The following CD84 variants were observed in gnomAD, a reference collection of about 807,000 sequenced individuals.
The protein encoded by CD84 is SLAM family member 5.
A neutral mutation model predicts 33.8 loss-of-function variants in CD84; 22 were observed. The observed-to-expected ratio is 0.65, with a 90% CI of 0.46 to 0.93. CD84 has a LOEUF of 0.93. CD84 is among the 40% of genes least tolerant of loss of function. CD84 has a pLI of 0.00. For missense variants in CD84, 400 were observed against 397.6 expected, an observed-to-expected ratio of 1.01 and a Z score of -0.05; for synonymous variants, 154 against 145.2, an observed-to-expected ratio of 1.06 and a Z score of -0.44.
rs541090525 is a variant in CD84 at position 160,563,128 on chromosome 1, T to C, written c.388+2276A>G. Among the ~76,000 whole-genome samples the C allele has an allele frequency of 3.3e-5, 5 of 152,278 alleles. No homozygotes were observed. The South Asian group carries it at 8.3e-4, about 25-fold the overall frequency. On this transcript the variant is annotated intron_variant, in intron 2 of 6. Transcript: ENST00000368054. ...AAGATTGCAGGGAAAAAGAAATGCT[T>C]TTACAATGTTGGTGGGAGTGTAAAT...
At chr1:160,568,844 C>T (rs1657497145) in intron 1 of CD84, among the ~76,000 whole-genome samples, 1 of 152,164 alleles carries the variant, frequency 6.6e-6, no homozygotes, top group Non-Finnish European at 1.5e-5. Context: ...TGATCTTGAA[C>T]TCCTGACCTC....
intron 2 of CD84, among the ~76,000 whole-genome samples, chr1:160,564,703 G>A (rs1413156085): frequency 6.6e-6 from 1 of 152,208 alleles, no homozygotes; most frequent in African/African-American, 2.4e-5. Flanking sequence ...TAACATGTGT[G>A]AAATGACATA....
intron 4 of CD84, chr1:160,551,474 A>G (rs573274489): frequency 1.6e-4 from 29 of 186,174 alleles, no homozygotes; most frequent in Non-Finnish European, 2.7e-4. Flanking sequence ...TGCTGTAACC[A>G]TCTCAATGTT....
At chr1:160,579,280 C>T in intron 1 of CD84, 112 bp downstream of exon 1, 4 of 1,457,572 alleles carry the variant, frequency 2.7e-6, no homozygotes, top group Non-Finnish European at 3.8e-6. Flanking sequence ...ATACTGAGAC[C>T]CAGGGTGTTC....
chr1:160,552,707 G>T, intron 4 of CD84: 1 of 1,546,494 alleles, frequency 6.5e-7, no homozygotes. Context: ...GAACTTACAA[G>T]GGTTCTTAGT....
Position 160,543,656 on chromosome 1 carries a change from T to A in CD84, c.*4600A>T, listed in dbSNP as rs1419792565. On this transcript the variant is annotated 3_prime_UTR_variant, in exon 7 of 7. Transcript: ENST00000368054. ...TTAGGTATATCCCCTGTTCTCTCAG[T>A]CTAACTGGGGAGGCAGATATAGCAT... 2 of 148,478 alleles carry A rather than the reference T, an allele frequency of 1.3e-5. No individual in the cohort carries two copies. Among genetic ancestry groups the A allele is most frequent in the East Asian group, 3.9e-4 (2 of 5,124 alleles). 9.2% of individuals were successfully genotyped at this position (148,478 alleles called of 1,614,324 possible). A position where few individuals can be genotyped will look rare whatever the true frequency, so the allele number is the denominator to read the frequency against.
At chr1:160,567,527 C>T (rs749158436) in intron 1 of CD84, among the ~76,000 whole-genome samples, 5 of 152,152 alleles carry the variant, frequency 3.3e-5, no homozygotes, top group Admixed American at 6.5e-5. Context: ...TATCTGCAAA[C>T]ATTTATTAAC....
chr1:160,543,141 A>C lies in CD84; in HGVS notation c.*5115T>G, dbSNP rs1655629330. On this transcript the variant is annotated 3_prime_UTR_variant, in exon 7 of 7. Coordinates refer to ENST00000368054, the MANE Select transcript of CD84 (RefSeq NM_003874.4). ...ATGGGCATTTTCAGCAGGAAAGTTG[A>C]GTGGTTATCCAGATAGCAATGGAAT... 1 of 152,206 alleles carries C rather than the reference A, an allele frequency of 6.6e-6. No homozygotes were observed. Among genetic ancestry groups the C allele is most frequent in the African/African-American group, 2.4e-5 (1 of 41,436 alleles). The allele number at this position is 152,206 out of a possible 1,614,324, so 9.4% of individuals were successfully genotyped here.
chr1:160,549,920 A>G lies in CD84; in HGVS notation c.918T>C (p.Asp306=). The change falls in exon 6 of 7, where the codon GAT becomes GAC. Residue 306 remains aspartate, a synonymous_variant. Coordinates refer to ENST00000368054, the MANE Select transcript of CD84 (RefSeq NM_003874.4). Reference sequence around the variant, plus strand: ...TAAAAAGCCAGAAAGGGGTTACCTTATCAGCAAACTGCACTTCGGAATAAA... The same window carrying G: ...TAAAAAGCCAGAAAGGGGTTACCTTGTCAGCAAACTGCACTTCGGAATAAA... ...NTVYSEVQFA[D]KMGKASTQDS... 6.2e-7 allele frequency: 1 copy of G among 1,610,952 alleles called. No individual in the cohort carries two copies.
intron 1 of CD84, among the ~76,000 whole-genome samples, chr1:160,567,492 T>G (rs1246366524): frequency 1.3e-5 from 2 of 151,440 alleles, no homozygotes; most frequent in Non-Finnish European, 2.9e-5. Context: ...GGAGTGGGAG[T>G]AGGAAGGGGG....
At chr1:160,552,387 G>A (rs891701040) in intron 4 of CD84, among the ~76,000 whole-genome samples, 1 of 152,096 alleles carries the variant, frequency 6.6e-6, no homozygotes, top group Non-Finnish European at 1.5e-5. Flanking sequence ...CATGCCCCAG[G>A]CCAATCAGTT....
At position 160,553,918 on chromosome 1, in the gene CD84, A is replaced by T. The variant is rs767026677; in HGVS notation, c.617T>A (p.Ile206Asn). 6.2e-7 allele frequency: 1 copy of T among 1,614,206 alleles called. No individual in the cohort carries two copies. Among genetic ancestry groups the T allele is most frequent in the African/African-American group, 1.3e-5 (1 of 75,062 alleles). The change falls in exon 3 of 7, where the codon ATC becomes AAC. Residue 206 changes from isoleucine to asparagine, a missense_variant. By Grantham distance (149) the Ile-to-Asn change is moderately radical. Transcript: ENST00000368054. ...QNPVSNNSDSISARQLCADIA... is the reference protein window; with the variant it reads ...QNPVSNNSDSNSARQLCADIA... ...ACCTGCACAGAGCTGCCGGGCAGAG[A>T]TGGAGTCAGAATTGTTGCTGACAGG...
At position 160,553,478 on chromosome 1, in the gene CD84, A is replaced by G. The variant is rs1656382592; in HGVS notation, c.660T>C (p.Arg220=). 6.2e-7 allele frequency: 1 copy of G among 1,614,036 alleles called. No homozygotes were observed. The highest frequency in any genetic ancestry group is 8.5e-7 in the Non-Finnish European group (1 of 1,180,024). Residue 220 remains arginine (R), a synonymous_variant, in exon 4 of 7, where the codon CGT becomes CGC. Coordinates refer to ENST00000368054, the MANE Select transcript of CD84 (RefSeq NM_003874.4). ...QLCADIAMGF[R]THHTGLLSVL... is the part of the protein sequence containing the mutation. Reference sequence around the variant, plus strand: ...CGCTCAGCAACCCGGTGTGGTGAGTACGGAAGCCCATTGCGATGTCTGGAA... The same window carrying G: ...CGCTCAGCAACCCGGTGTGGTGAGTGCGGAAGCCCATTGCGATGTCTGGAA...
At chr1:160,552,568 G>A in intron 4 of CD84, 1 of 619,844 alleles carries the variant, frequency 1.6e-6, no homozygotes, top group East Asian at 2.8e-5. Context: ...TAAAAAAACT[G>A]GTAGCTGATA....
intron 2 of CD84, among the ~76,000 whole-genome samples, chr1:160,563,760 A>G (rs142783175): frequency 2.0e-5 from 3 of 152,310 alleles, no homozygotes; most frequent in African/African-American, 7.2e-5. Flanking sequence ...CATTGAAGAA[A>G]AAAAAGAAAA....
intron 6 of CD84, among the ~76,000 whole-genome samples, chr1:160,548,904 CTAAGT>C (rs1449897564): frequency 4.6e-5 from 7 of 152,216 alleles, no homozygotes; most frequent in South Asian, 4.1e-4. Flanking sequence ...TTATCTCCTT[CTAAGT>C]TAAGTTACTC....
At chr1:160,555,988 G>A (rs1434475261) in intron 2 of CD84, among the ~76,000 whole-genome samples, 1 of 152,146 alleles carries the variant, frequency 6.6e-6, no homozygotes, top group African/African-American at 2.4e-5. Flanking sequence ...TACAGACCTG[G>A]ATTAACTATA....
chr1:160,564,605 A>G (rs1488364808), intron 2 of CD84, among the ~76,000 whole-genome samples: 1 of 152,240 alleles, frequency 6.6e-6, no homozygotes, highest in Non-Finnish European at 1.5e-5. Context: ...ATTAGTACAC[A>G]CAAGAGTTTG....
At position 160,564,170 on chromosome 1, in the gene CD84, T is replaced by A. The variant is rs115114393; in HGVS notation, c.388+1234A>T. Among the ~76,000 whole-genome samples the A allele has an allele frequency of 4.8e-3, 734 of 152,282 alleles. 4 individuals carry two copies. Among genetic ancestry groups the A allele is most frequent in the African/African-American group, 0.017 (693 of 41,572 alleles). On this transcript the variant is annotated intron_variant, in intron 2 of 6. Transcript: ENST00000368054. ...TTATAATGATGATAACAAATAGTTA[T>A]AATATTTTACCTTTCAAAAGCACTT...
Sources: gnomAD v4.1 joint callset for allele counts (sites outside exome capture counted in the v4.1 genomes callset) on GRCh38, gnomAD v4.1.1 for gene constraint, MANE v1.5 for transcripts, NCBI Gene and HGNC (gene_info 2026-07-23, HGNC 2026-07-21) for gene names.